ADAMTS13: variants seen among roughly 807,000 people sequenced by gnomAD.
ADAMTS13 encodes ADAM metallopeptidase with thrombospondin type 1 motif 13, also known as A disintegrin and metalloproteinase with thrombospondin motifs 13.
ADAMTS13 carries 110 observed loss-of-function variants against 155.1 expected under a neutral mutation model. That is an observed-to-expected ratio of 0.71 (90% CI 0.61 to 0.83). ADAMTS13 has a LOEUF of 0.83. Ranked by LOEUF, ADAMTS13 falls within the 40% of genes least tolerant of loss-of-function variation. The pLI is 0.00. For missense variants in ADAMTS13, 1,707 were observed against 1,891.7 expected, an observed-to-expected ratio of 0.90 and a Z score of 1.81; for synonymous variants, 758 against 756.4, an observed-to-expected ratio of 1.00 and a Z score of -0.03.
intron 23 of ADAMTS13, among the ~76,000 whole-genome samples, chr9:133,452,211 C>G (rs1191488737): frequency 2.0e-5 from 3 of 151,632 alleles, no homozygotes; most frequent in Non-Finnish European, 2.9e-5. Context: ...CTCCTGGGTT[C>G]AAGTGATTTT....
At chr9:133,452,770 G>A (rs911251592) in intron 23 of ADAMTS13, among the ~76,000 whole-genome samples, 2 of 151,974 alleles carry the variant, frequency 1.3e-5, no homozygotes, top group Non-Finnish European at 2.9e-5. Context: ...TCAGCCTCCC[G>A]AGTAGCTGGG....
rs281875285 is a variant in ADAMTS13 at position 133,430,025 on chromosome 9, A to G, written c.911A>G (p.Tyr304Cys). 4 of 1,592,376 alleles carry G rather than the reference A, an allele frequency of 2.5e-6. No individual in the cohort carries two copies. In the African/African-American group the frequency reaches 4.0e-5, roughly 16 times the overall value. The change falls in exon 8 of 29, where the codon TAC (tyrosine) becomes TGC (cysteine). Residue 304 changes from tyrosine (Y) to cysteine (C), a missense_variant. Tyr to Cys is a radical substitution (Grantham distance 194). Around this residue, in one of 3 missense-constraint regions of ADAMTS13, gnomAD observed 733 missense variants for 749.6 expected, o/e 0.98. Transcript: ENST00000355699. ...CCGCCGGATGCGCAGCCTGGCCTCT[A>G]CTACAGCGCCAACGAGCAGTGCCGC... is the stretch of plus-strand genomic sequence containing the variant. Reference protein sequence around the residue: ...GHPPDAQPGLYYSANEQCRVA... With the variant: ...GHPPDAQPGLCYSANEQCRVA...
chr9:133,418,219 G>C (rs1458806905), upstream of ADAMTS13: 2 of 295,826 alleles, frequency 6.8e-6, no homozygotes, highest in Non-Finnish European at 1.3e-5. Flanking sequence ...ATGGGGATGA[G>C]AGATGCGAAC....
Position 133,454,414 on chromosome 9 carries a change from G to C in ADAMTS13, c.3045-1G>C, listed in dbSNP as rs782741195. The C allele has an allele frequency of 1.2e-6, 2 of 1,613,836 alleles. No homozygotes were observed. The highest frequency in any genetic ancestry group is 2.2e-5 in the South Asian group (2 of 91,070). On this transcript the variant is annotated splice_acceptor_variant, in intron 23 of 28. Transcript: ENST00000355699. LOFTEE classifies it high-confidence loss of function. Reference sequence around the variant, plus strand: ...CTCTCTGGGGTCTTCTCTTCCTGCAGGTGGAAAGTCATGTCCCTTGGCCCA... The same window carrying C: ...CTCTCTGGGGTCTTCTCTTCCTGCACGTGGAAAGTCATGTCCCTTGGCCCA...
upstream of ADAMTS13, among the ~76,000 whole-genome samples, chr9:133,420,798 A>G (rs1839922368): frequency 6.6e-6 from 1 of 152,268 alleles, no homozygotes; most frequent in Non-Finnish European, 1.5e-5. Context: ...TTCAGGGTTC[A>G]CAAAGTTATT....
At chr9:133,434,074 C>A (rs587767251) in intron 11 of ADAMTS13, among the ~76,000 whole-genome samples, 2 of 150,800 alleles carry the variant, frequency 1.3e-5, no homozygotes, top group African/African-American at 4.9e-5. Flanking sequence ...CCAGCCTGGG[C>A]GACAGAGTGA....
At chr9:133,443,700 C>A in intron 19 of ADAMTS13, 139 bp downstream of exon 19, 1 of 969,046 alleles carries the variant, frequency 1.0e-6, no homozygotes, top group Non-Finnish European at 1.5e-6. Context: ...TGGGCAGTGT[C>A]ACCTGGCGGT....
intron 27 of ADAMTS13, 123 bp from the exon 28 acceptor site, chr9:133,457,787 C>T: frequency 2.3e-6 from 3 of 1,304,402 alleles, no homozygotes; most frequent in Non-Finnish European, 3.3e-6. Context: ...CAGGATTTGC[C>T]TGGGAACCCC....
intron 2 of ADAMTS13, 75 bp downstream of exon 2, chr9:133,423,242 T>A: frequency 7.0e-7 from 1 of 1,419,222 alleles, no homozygotes; most frequent in Non-Finnish European, 9.9e-7. Flanking sequence ...ACTGAGTCAG[T>A]GGTCTGGGAT....
At chr9:133,418,332 C>T (rs929797520), upstream of ADAMTS13, among the ~76,000 whole-genome samples, 3 of 152,326 alleles carry the variant, frequency 2.0e-5, no homozygotes, top group South Asian at 2.1e-4. Flanking sequence ...CTAGGTCGCT[C>T]GCCTGCGTCC....
Position 133,433,633 on chromosome 9 carries a change from A to G in ADAMTS13, c.1245-8A>G, listed in dbSNP as rs1554788191. On this transcript the variant is annotated splice_region_variant and splice_polypyrimidine_tract_variant and intron_variant, in intron 10 of 28. Coordinates refer to ENST00000355699, the MANE Select transcript of ADAMTS13 (RefSeq NM_139027.6). ...TCTCTCACCCTCCTGTCTGCTGGGC[A>G]TTTTCAGACCTGCCTTTGGGGGGCG... 21 of 1,613,742 alleles carry G rather than the reference A, an allele frequency of 1.3e-5. No individual in the cohort carries two copies. In the South Asian group the frequency reaches 2.2e-4, roughly 17 times the overall value.
At position 133,448,720 on chromosome 9, in the gene ADAMTS13, C is replaced by T. The variant is rs781827094; in HGVS notation, c.2853C>T (p.Cys951=). The change falls in exon 22 of 29, where the codon TGC becomes TGT. Residue 951 remains cysteine (C), a synonymous_variant. Coordinates refer to ENST00000355699, the MANE Select transcript of ADAMTS13 (RefSeq NM_139027.6). ...SRREVCQAVP[C]PARWQYKLAA... ...GGGAGGTCTGCCAGGCTGTCCCGTG[C>T]CCTGCTCGGTGAGTGAGGGGAGCAA... The T allele has an allele frequency of 1.6e-5, 26 of 1,601,164 alleles. No individual in the cohort carries two copies. The highest frequency in any genetic ancestry group is 2.1e-5 in the Non-Finnish European group (25 of 1,179,810).
Position 133,434,454 on chromosome 9 carries a change from C to T in ADAMTS13, c.1308+750C>T, listed in dbSNP as rs587596330. Among the ~76,000 whole-genome samples, 10 of 152,074 alleles carry T rather than the reference C, an allele frequency of 6.6e-5. No individual in the cohort carries two copies. The East Asian group carries it at 1.4e-3, about 21-fold the overall frequency. ...CTGAGTAGCTGGGACTACAGGTGCC[C>T]GCCACCACGCCCGGCTAATTTTTTG... On this transcript the variant is annotated intron_variant, in intron 11 of 28. Transcript: ENST00000355699.
chr9:133,415,458 T>A (rs1418710303), intron 1 of ADAMTS13, among the ~76,000 whole-genome samples: 1 of 151,976 alleles, frequency 6.6e-6, no homozygotes, highest in Non-Finnish European at 1.5e-5. Context: ...GCTGTGAAGA[T>A]CTCAGGAAGG....
intron 8 of ADAMTS13, among the ~76,000 whole-genome samples, chr9:133,432,121 C>T (rs148076323): frequency 0.034 from 5,161 of 152,114 alleles, 295 homozygotes; most frequent in African/African-American, 0.12. Flanking sequence ...AAAAATTAGC[C>T]GGGCGTGGTG....
At chr9:133,429,841 C>G (rs782820888) in intron 7 of ADAMTS13, 98 bp from the exon 8 acceptor site, 19 of 1,470,846 alleles carry the variant, frequency 1.3e-5, no homozygotes. Flanking sequence ...AAAGGCCACG[C>G]TTCCAAACGC....
chr9:133,450,560 C>T (rs1360154507), intron 23 of ADAMTS13, among the ~76,000 whole-genome samples: 1 of 141,570 alleles, frequency 7.1e-6, no homozygotes, highest in Non-Finnish European at 1.5e-5. Flanking sequence ...AGCAAAACTC[C>T]ATCTCAAAAA....
At chr9:133,454,829 T>C (rs1470600292) in intron 24 of ADAMTS13, among the ~76,000 whole-genome samples, 3 of 151,432 alleles carry the variant, frequency 2.0e-5, no homozygotes, top group Non-Finnish European at 4.4e-5. Context: ...GGCCCTTAGG[T>C]TTGGGGACGC....
Position 133,442,611 on chromosome 9 carries a change from C to A in ADAMTS13, c.2105-3C>A. ...CGGCCTAGCCCTCCCTCTTCCCTCC[C>A]AGGGCTGCGCTGGGTAAACTACAGC... On this transcript the variant is annotated splice_polypyrimidine_tract_variant and splice_region_variant and intron_variant, in intron 17 of 28. Transcript: ENST00000355699. 1.2e-6 allele frequency: 2 copies of A among 1,613,274 alleles called. No homozygotes were observed. Among genetic ancestry groups the A allele is most frequent in the East Asian group, 4.5e-5 (2 of 44,890 alleles).
Sources: allele counts gnomAD v4.1 joint callset (sites outside exome capture counted in the v4.1 genomes callset), GRCh38; gene constraint gnomAD v4.1.1; regional missense constraint gnomAD v4.1.1; transcripts MANE v1.5; gene names NCBI Gene and HGNC (gene_info 2026-07-23, HGNC 2026-07-21).